Variants in PCDH9 observed in about 807,000 individuals in gnomAD.
PCDH9 encodes the protein protocadherin-9.
A neutral mutation model predicts 70.6 loss-of-function variants in PCDH9; 24 were observed. That is an observed-to-expected ratio of 0.34 (90% confidence interval 0.25 to 0.48). The LOEUF is 0.48. PCDH9 is among the 20% of genes least tolerant of loss of function. PCDH9 has a pLI of 0.99. For synonymous variants in PCDH9, 562 were observed against 558.5 expected, an observed-to-expected ratio of 1.01 and a Z score of -0.09; for missense variants, 1,281 against 1,503.6, an observed-to-expected ratio of 0.85 and a Z score of 2.45.
At chr13:66,625,071 T>C (rs2077480848) in intron 4 of PCDH9, among the ~76,000 whole-genome samples, 1 of 152,314 alleles carries the variant, frequency 6.6e-6, no homozygotes, top group Non-Finnish European at 1.5e-5. Context: ...TAGAGTAATA[T>C]TAAGGCAAAT....
At chr13:67,217,152 T>C (rs2089626678) in intron 2 of PCDH9, 1 of 152,030 alleles carries the variant, frequency 6.6e-6, no homozygotes, top group Non-Finnish European at 1.5e-5. Flanking sequence ...TTCCAGAAAA[T>C]GTCTACTATA....
At chr13:66,812,654 C>G (rs1386393125) in intron 3 of PCDH9, among the ~76,000 whole-genome samples, 2 of 152,146 alleles carry the variant, frequency 1.3e-5, no homozygotes, top group Admixed American at 6.5e-5. Flanking sequence ...AGGCAGAGTA[C>G]TACATCTAGG....
At chr13:66,747,006 C>CA (rs35120346) in intron 3 of PCDH9, among the ~76,000 whole-genome samples, 92,340 of 151,806 alleles carry the variant, frequency 0.61, 29,122 homozygotes, top group Non-Finnish European at 0.71. Flanking sequence ...ACATTTTATT[C>CA]AAAAAAACTG....
intron 2 of PCDH9, among the ~76,000 whole-genome samples, chr13:67,134,617 A>T (rs543338740): frequency 6.6e-6 from 1 of 152,060 alleles, no homozygotes; most frequent in Non-Finnish European, 1.5e-5. Flanking sequence ...TTCTTTTTAA[A>T]TACAAAAGCA....
intron 3 of PCDH9, among the ~76,000 whole-genome samples, chr13:66,895,094 C>T (rs1028663883): frequency 2.6e-5 from 4 of 152,100 alleles, no homozygotes; most frequent in Admixed American, 1.3e-4. Context: ...AGGTATGAGC[C>T]ACCACGCCCG....
intron 4 of PCDH9, among the ~76,000 whole-genome samples, chr13:66,574,825 C>G (rs989997579): frequency 1.3e-5 from 2 of 152,166 alleles, no homozygotes; most frequent in African/African-American, 4.8e-5. Context: ...CAGCCACAAA[C>G]AATTCCACTG....
chr13:66,331,936 T>C lies in PCDH9; in HGVS notation c.3341-26908A>G, dbSNP rs143074711. On this transcript the variant is annotated intron_variant, in intron 4 of 4. Transcript: ENST00000377865. ...AGGGTACTGAAGGTAGGATTCTGTA[T>C]GTTGCCTCTTTGGTAGTCCTGCAGT... is the stretch of plus-strand genomic sequence containing the variant. 3.2e-3 allele frequency among the ~76,000 whole-genome samples: 489 copies of C among 152,302 alleles called. 2 individuals carry two copies. The highest frequency in any genetic ancestry group is 0.011 in the African/African-American group (469 of 41,570).
At chr13:66,784,063 T>C (rs1188119247) in intron 3 of PCDH9, among the ~76,000 whole-genome samples, 1 of 152,148 alleles carries the variant, frequency 6.6e-6, no homozygotes, top group Non-Finnish European at 1.5e-5. Context: ...AAAATAGCCA[T>C]ATAAAAATTA....
At chr13:66,689,502 A>C (rs944429373) in intron 3 of PCDH9, among the ~76,000 whole-genome samples, 2 of 152,102 alleles carry the variant, frequency 1.3e-5, no homozygotes, top group African/African-American at 4.8e-5. Context: ...TTTTTTCAGG[A>C]AAAAAATTAA....
intron 2 of PCDH9, chr13:66,985,758 A>C (rs559017424): frequency 7.9e-5 from 12 of 152,184 alleles, no homozygotes; most frequent in African/African-American, 2.6e-4. Context: ...AATTAGTAAA[A>C]TAAATGTTTA....
chr13:66,610,870 C>T (rs1171768469), intron 4 of PCDH9, among the ~76,000 whole-genome samples: 1 of 152,070 alleles, frequency 6.6e-6, no homozygotes, highest in Non-Finnish European at 1.5e-5. Flanking sequence ...TTTTGTGGTA[C>T]CTCTACATCT....
chr13:67,075,378 A>T (rs1314662582), intron 2 of PCDH9, among the ~76,000 whole-genome samples: 1 of 152,116 alleles, frequency 6.6e-6, no homozygotes, highest in Admixed American at 6.6e-5. Context: ...TGACATAAAA[A>T]CAAAGTGAAA....
chr13:66,966,232 C>T (rs1272116873), intron 2 of PCDH9, among the ~76,000 whole-genome samples: 1 of 152,028 alleles, frequency 6.6e-6, no homozygotes, highest in Non-Finnish European at 1.5e-5. Context: ...TCCTCGTTTC[C>T]AAATAGGGAC....
intron 4 of PCDH9, among the ~76,000 whole-genome samples, chr13:66,395,552 A>T (rs567756910): frequency 6.6e-6 from 1 of 152,098 alleles, no homozygotes; most frequent in Non-Finnish European, 1.5e-5. Flanking sequence ...GTGAGCCAAG[A>T]TCGTGCCACT....
At chr13:66,767,098 T>A (rs9564345) in intron 3 of PCDH9, among the ~76,000 whole-genome samples, 59,158 of 151,734 alleles carry the variant, frequency 0.39, 11,890 homozygotes, top group East Asian at 0.58. Flanking sequence ...TAAAAATATA[T>A]TCGCAGTAGA....
intron 4 of PCDH9, among the ~76,000 whole-genome samples, chr13:66,561,549 G>A (rs571549911): frequency 3.9e-5 from 6 of 152,126 alleles, no homozygotes; most frequent in South Asian, 2.1e-4. Context: ...TACATCAATC[G>A]GCACTCTGTA....
chr13:66,410,214 A>G (rs1032671975), intron 4 of PCDH9, among the ~76,000 whole-genome samples: 1 of 151,800 alleles, frequency 6.6e-6, no homozygotes, highest in Admixed American at 6.6e-5. Flanking sequence ...AAAAAAAAAA[A>G]GCTCAATGGA....
intron 4 of PCDH9, among the ~76,000 whole-genome samples, chr13:66,326,247 C>T (rs1391573010): frequency 4.6e-5 from 7 of 152,124 alleles, no homozygotes; most frequent in Non-Finnish European, 1.0e-4. Flanking sequence ...GTAACCCCAG[C>T]AGTGTTCTCT....
intron 3 of PCDH9, among the ~76,000 whole-genome samples, chr13:66,753,655 A>T (rs1051795562): frequency 2.0e-5 from 3 of 152,188 alleles, no homozygotes; most frequent in Non-Finnish European, 4.4e-5. Context: ...TCTATAGCAC[A>T]CTACTCTCTA....
Sources: gnomAD v4.1 joint callset for allele counts (sites outside exome capture counted in the v4.1 genomes callset) on GRCh38, gnomAD v4.1.1 for gene constraint, MANE v1.5 for transcripts, NCBI Gene and HGNC (gene_info 2026-07-23, HGNC 2026-07-21) for gene names.